The following JPH3 variants were observed in gnomAD, a reference collection of about 807,000 sequenced individuals.
JPH3 encodes the protein junctophilin 3.
JPH3 carries 11 observed loss-of-function variants against 59.6 expected under a neutral mutation model. The observed-to-expected ratio is 0.18, with a 90% CI of 0.12 to 0.31. The LOEUF (loss-of-function observed/expected upper bound fraction) is 0.31. Among genes scored for constraint, JPH3 ranks in the 10% least tolerant of loss-of-function variants. JPH3 has a pLI of 1.00. For missense variants in JPH3, 1,202 were observed against 1,105.7 expected (o/e 1.09, Z -1.24); for synonymous variants, 673 against 483.6 (o/e 1.39, Z -5.14).
chr16:87,604,881 T>C (rs2030456065), intron 1 of JPH3: 1 of 408,510 alleles, frequency 2.4e-6, no homozygotes, highest in Non-Finnish European at 4.9e-6. Context: ...TCTGTGCCGT[T>C]GTTGTTTTCA....
At chr16:87,634,133 C>T (rs930714399) in intron 1 of JPH3, among the ~76,000 whole-genome samples, 2 of 152,140 alleles carry the variant, frequency 1.3e-5, no homozygotes, top group African/African-American at 4.8e-5. Context: ...TGGGGGCCAC[C>T]CGTGGAGAAA....
chr16:87,692,742 AATG>A (rs1408923673), intron 4 of JPH3, among the ~76,000 whole-genome samples: 3 of 152,194 alleles, frequency 2.0e-5, no homozygotes, highest in African/African-American at 7.2e-5. Flanking sequence ...CTCTTGGTGA[AATG>A]ATGGATATGA....
intron 2 of JPH3, among the ~76,000 whole-genome samples, chr16:87,649,519 G>C (rs898124318): frequency 1.3e-5 from 2 of 152,196 alleles, no homozygotes; most frequent in African/African-American, 4.8e-5. Flanking sequence ...TAGAGGCCCT[G>C]GGTTGGGAAT....
At chr16:87,625,304 C>T (rs902838544) in intron 1 of JPH3, among the ~76,000 whole-genome samples, 1 of 152,172 alleles carries the variant, frequency 6.6e-6, no homozygotes, top group African/African-American at 2.4e-5. Context: ...ACAGTCGGTG[C>T]TGGGCAGGTG....
At chr16:87,690,957 C>CTGGGAGTCAGGTCTGGGGT in intron 4 of JPH3, among the ~76,000 whole-genome samples, 1 of 152,310 alleles carries the variant, frequency 6.6e-6, no homozygotes, top group East Asian at 1.9e-4. Flanking sequence ...GGCCCTGGGG[C>CTGGGAGTCAGGTCTGGGGT]TGGGAGTCAG....
At chr16:87,639,881 G>C (rs1345380722) in intron 1 of JPH3, among the ~76,000 whole-genome samples, 3 of 152,198 alleles carry the variant, frequency 2.0e-5, no homozygotes, top group Non-Finnish European at 4.4e-5. Context: ...CACTGCATGG[G>C]GGGACCACGT....
At position 87,690,322 on chromosome 16, in the gene JPH3, A is replaced by G. The variant is rs1282637335; in HGVS notation, c.1962A>G (p.Arg654=). 6.3e-7 allele frequency: 1 copy of G among 1,591,482 alleles called. No individual in the cohort carries two copies. The highest frequency in any genetic ancestry group is 1.1e-5 in the South Asian group (1 of 87,996). Residue 654 remains arginine, a synonymous_variant, in exon 4 of 5, where the codon AGA becomes AGG. Transcript: ENST00000284262. ...AGGACCGGGGCTTCGGGGTGCAGAG[A>G]CTGCGGTCCAAGGCCCAGAACAAGG... The part of the protein sequence containing the change: ...RPEDRGFGVQ[R]LRSKAQNKEN...
intron 2 of JPH3, among the ~76,000 whole-genome samples, chr16:87,645,806 A>G (rs13333089): frequency 0.53 from 80,176 of 151,940 alleles, 21,465 homozygotes; most frequent in East Asian, 0.74. Flanking sequence ...GTCCCCGCCA[A>G]GCTGTGGCTG....
intron 1 of JPH3, among the ~76,000 whole-genome samples, chr16:87,642,158 T>G (rs995434366): frequency 6.7e-6 from 1 of 149,976 alleles, no homozygotes; most frequent in Non-Finnish European, 1.5e-5. Flanking sequence ...ACAGGTCACT[T>G]GAGGCTACAG....
chr16:87,658,884 C>A (rs1437818482), intron 2 of JPH3, among the ~76,000 whole-genome samples: 1 of 152,230 alleles, frequency 6.6e-6, no homozygotes, highest in Non-Finnish European at 1.5e-5. Context: ...CCAAACCCAG[C>A]CATCCCAGTT....
chr16:87,689,141 C>T (rs367749647), intron 3 of JPH3, among the ~76,000 whole-genome samples: 1 of 152,158 alleles, frequency 6.6e-6, no homozygotes, highest in Non-Finnish European at 1.5e-5. Flanking sequence ...CCTGGGCTCT[C>T]ACGCTGGCCC....
chr16:87,656,997 C>G (rs1206734374), intron 2 of JPH3, among the ~76,000 whole-genome samples: 1 of 152,120 alleles, frequency 6.6e-6, no homozygotes, highest in Non-Finnish European at 1.5e-5. Flanking sequence ...GATTAGGGCC[C>G]CACCCATATG....
At chr16:87,649,016 A>G (rs948469611) in intron 2 of JPH3, among the ~76,000 whole-genome samples, 1 of 152,192 alleles carries the variant, frequency 6.6e-6, no homozygotes, top group Non-Finnish European at 1.5e-5. Flanking sequence ...ACACGCAGCC[A>G]CAACACGGGT....
intron 2 of JPH3, among the ~76,000 whole-genome samples, chr16:87,667,285 T>G (rs2032894173): frequency 6.6e-6 from 1 of 152,220 alleles, no homozygotes; most frequent in African/African-American, 2.4e-5. Flanking sequence ...CTTGATCTCA[T>G]CTGCAGAGAT....
chr16:87,695,637 C>A (rs989267564), intron 4 of JPH3: 3 of 455,928 alleles, frequency 6.6e-6, no homozygotes, highest in Non-Finnish European at 1.3e-5. Context: ...GTCCAGGAGG[C>A]GTCCATTCCC....
At chr16:87,634,363 T>C (rs952028823) in intron 1 of JPH3, among the ~76,000 whole-genome samples, 1 of 152,050 alleles carries the variant, frequency 6.6e-6, no homozygotes, top group Non-Finnish European at 1.5e-5. Context: ...AGATGGGTGC[T>C]GGTCGATATG....
chr16:87,619,579 G>T (rs1397516478), intron 1 of JPH3, among the ~76,000 whole-genome samples: 1 of 152,206 alleles, frequency 6.6e-6, no homozygotes, highest in South Asian at 2.1e-4. Context: ...TCAGTCTGCG[G>T]CTTGGAGGGG....
chr16:87,683,053 C>T (rs1434998116), intron 2 of JPH3, among the ~76,000 whole-genome samples: 6 of 152,234 alleles, frequency 3.9e-5, no homozygotes, highest in Admixed American at 3.3e-4. Flanking sequence ...ATGGCTCCTT[C>T]GTGTCACACA....
At chr16:87,653,348 G>C (rs997414235) in intron 2 of JPH3, among the ~76,000 whole-genome samples, 1 of 152,130 alleles carries the variant, frequency 6.6e-6, no homozygotes, top group African/African-American at 2.4e-5. Context: ...TCTGCTCTCT[G>C]CTGTGGCTTG....
Sources: allele counts gnomAD v4.1 joint callset (sites outside exome capture counted in the v4.1 genomes callset), GRCh38; gene constraint gnomAD v4.1.1; transcripts MANE v1.5; gene names NCBI Gene and HGNC (gene_info 2026-07-23, HGNC 2026-07-21).